GNL2: variants seen among roughly 807,000 people sequenced by gnomAD.
The protein encoded by GNL2 is G protein nucleolar 2, also known as nucleolar GTP-binding protein 2.
In GNL2, 51 loss-of-function variants were observed where a neutral mutation model predicts 92.3. That is an observed-to-expected ratio of 0.55 (90% CI 0.44 to 0.70). The LOEUF (loss-of-function observed/expected upper bound fraction) is 0.70, where lower values mean the gene tolerates loss of function less well. Ranked by LOEUF, GNL2 falls within the 30% of genes least tolerant of loss-of-function variation. The pLI, the probability that GNL2 is intolerant of heterozygous loss-of-function variation, is 0.00. For synonymous variants in GNL2, 283 were observed against 300.6 expected (o/e 0.94, Z 0.61); for missense variants, 844 against 895.6 (o/e 0.94, Z 0.74).
chr1:37,578,438 CA>C (rs776937906), intron 8 of GNL2, among the ~76,000 whole-genome samples: 1,570 of 100,816 alleles, frequency 0.016, 13 homozygotes, highest in African/African-American at 0.04. Flanking sequence ...GACTCTGTCT[CA>C]AAAAAAAAAA....
At chr1:37,568,617 C>T (rs1055200211) in intron 13 of GNL2, among the ~76,000 whole-genome samples, 1 of 152,174 alleles carries the variant, frequency 6.6e-6, no homozygotes, top group Non-Finnish European at 1.5e-5. Flanking sequence ...TGGTGGTGCA[C>T]ACCTGTAGTC....
At chr1:37,578,076 G>C (rs1361962841) in intron 8 of GNL2, among the ~76,000 whole-genome samples, 1 of 152,024 alleles carries the variant, frequency 6.6e-6, no homozygotes. Context: ...TTCTCTTCTG[G>C]GGAAACTCAC....
intron 6 of GNL2, among the ~76,000 whole-genome samples, chr1:37,583,524 G>A (rs552586331): frequency 5.9e-5 from 9 of 152,278 alleles, no homozygotes; most frequent in East Asian, 5.8e-4. Flanking sequence ...AGTCCTCATC[G>A]ATAAAAGGAG....
At chr1:37,577,243 C>A (rs1159773771) in intron 8 of GNL2, among the ~76,000 whole-genome samples, 1 of 152,022 alleles carries the variant, frequency 6.6e-6, no homozygotes, top group Admixed American at 6.6e-5. Flanking sequence ...CACAACTCAC[C>A]CCCCCTTTTC....
Position 37,574,440 on chromosome 1 carries a change from A to C in GNL2, c.1319T>G (p.Leu440Trp), listed in dbSNP as rs2148131193. 6.2e-7 allele frequency: 1 copy of C among 1,613,906 alleles called. No individual in the cohort carries two copies. The highest frequency in any genetic ancestry group is 1.7e-4 in the Middle Eastern group (1 of 6,060). The change falls in exon 12 of 16, where the codon TTG becomes TGG. Residue 440 changes from leucine (L) to tryptophan (W), a missense_variant. Physicochemically the swap from Leu to Trp is moderately conservative, Grantham distance 61. Coordinates refer to ENST00000373062, the MANE Select transcript of GNL2 (RefSeq NM_013285.3). ...GKLLKGGEPD[L>W]QTVGKMVLND... is the part of the protein sequence containing the mutation. ...GAGGACCATCTTACCCACAGTCTGC[A>C]AGTCGGGCTCTCCACCCTGAAAGGT...
At chr1:37,585,787 AAC>A (rs1258113403) in intron 5 of GNL2, among the ~76,000 whole-genome samples, 1 of 152,208 alleles carries the variant, frequency 6.6e-6, no homozygotes, top group Non-Finnish European at 1.5e-5. Context: ...ATGAGGTAAT[AAC>A]ACTGATGCAG....
rs780289073 is a variant in GNL2 at position 37,582,928 on chromosome 1, A to G, written c.645T>C (p.Asp215=). 3.7e-6 allele frequency: 6 copies of G among 1,609,940 alleles called. No homozygotes were observed. Among genetic ancestry groups the G allele is most frequent in the Non-Finnish European group, 5.1e-6 (6 of 1,178,008 alleles). Residue 215 remains aspartate (D), a synonymous_variant, in exon 7 of 16, where the codon GAT becomes GAC. Coordinates refer to ENST00000373062, the MANE Select transcript of GNL2 (RefSeq NM_013285.3). ...RIWGELYKVI[D]SSDVVVQVLD... ...GAACTTGAACTACAACATCTGATGA[A>G]TCTATCACCTGAAAATTCAGAAAGG...
At chr1:37,584,443 T>A (rs1643819966) in intron 5 of GNL2, among the ~76,000 whole-genome samples, 1 of 135,632 alleles carries the variant, frequency 7.4e-6, no homozygotes. Flanking sequence ...CAAGACCCTG[T>A]CTCAAAAAAT....
chr1:37,583,746 G>A, intron 6 of GNL2, 121 bp downstream of exon 6: 1 of 650,826 alleles, frequency 1.5e-6, no homozygotes, highest in Non-Finnish European at 2.8e-6. Context: ...GAAGAGGATG[G>A]AACAGGCAGT....
Position 37,566,872 on chromosome 1 carries a change from A to AT in GNL2, c.2178dup (p.Phe727IlefsTer?). ...TTTAAACATTACTGCTTTTGTCTGAATTTTTTGCGTTTGTGTTTCTGTCCC... is the reference window on the plus strand; with the variant it reads ...TTTAAACATTACTGCTTTTGTCTGAATTTTTTTGCGTTTGTGTTTCTGTCCC... On this transcript the variant is annotated frameshift_variant, in exon 16 of 16. Coordinates refer to ENST00000373062, the MANE Select transcript of GNL2 (RefSeq NM_013285.3). LOFTEE classifies it high-confidence loss of function. 1 of 1,613,076 alleles carries AT rather than the reference A, an allele frequency of 6.2e-7. No individual in the cohort carries two copies. Among genetic ancestry groups the AT allele is most frequent in the Non-Finnish European group, 8.5e-7 (1 of 1,179,724 alleles).
intron 12 of GNL2, 36 bp downstream of exon 12, chr1:37,574,307 C>T (rs1310244978): frequency 7.5e-7 from 1 of 1,332,886 alleles, no homozygotes; most frequent in Non-Finnish European, 1.1e-6. Context: ...AGGTCAGGAC[C>T]CATGCTCCCC....
chr1:37,585,230 T>C (rs2148139637), intron 5 of GNL2, among the ~76,000 whole-genome samples: 1 of 151,912 alleles, frequency 6.6e-6, no homozygotes, highest in Non-Finnish European at 1.5e-5. Flanking sequence ...AGCTAATTTG[T>C]GTATTTTTAG....
intron 14 of GNL2, 113 bp from the exon 15 acceptor site, chr1:37,567,877 A>C: frequency 1.3e-6 from 1 of 780,118 alleles, no homozygotes; most frequent in South Asian, 1.5e-5. Flanking sequence ...TGGACAGAGC[A>C]GGTGAGCACA....
At chr1:37,574,516 T>C in intron 11 of GNL2, 60 bp from the exon 12 acceptor site, 6 of 1,470,460 alleles carry the variant, frequency 4.1e-6, no homozygotes, top group East Asian at 4.6e-5. Flanking sequence ...CCTACCACTT[T>C]GGGGGTATTT....
Position 37,567,689 on chromosome 1 carries a change from GC to G in GNL2, c.2026del (p.Ala676ArgfsTer29). 6.2e-7 allele frequency: 1 copy of G among 1,611,162 alleles called. No homozygotes were observed. The highest frequency in any genetic ancestry group is 8.5e-7 in the Non-Finnish European group (1 of 1,177,334). On this transcript the variant is annotated frameshift_variant, in exon 15 of 16. Coordinates refer to ENST00000373062, the MANE Select transcript of GNL2 (RefSeq NM_013285.3). LOFTEE classifies it high-confidence loss of function. ...EQEHSNKAPR[A>X]LTSKERRRAV... is the part of the protein sequence containing the mutation. ...GACACTTACTTCTTTTGATGTAAGC[GC>G]CCTGGGAGCTTTATTTGAATGTTCC...
rs959811878 is a variant in GNL2 at position 37,569,360 on chromosome 1, T to C, written c.1417-58A>G. 15 of 1,182,932 alleles carry C rather than the reference T, an allele frequency of 1.3e-5. No individual in the cohort carries two copies. The Admixed American group carries it at 2.1e-4, about 16-fold the overall frequency. 73.3% of individuals were successfully genotyped at this position (1,182,932 alleles called of 1,614,324 possible). A position where few individuals can be genotyped will look rare whatever the true frequency, so the allele number is the denominator to read the frequency against. On this transcript the variant is annotated intron_variant, in intron 12 of 15. Transcript: ENST00000373062. ...GAATCAGAAAATGAAAAATGGAATT[T>C]CTGAACTCATATCTTGCTCTTAAAC...
In GNL2 at chr1:37,575,876, A is replaced by G. The variant is rs530795665; in HGVS notation, c.1039-177T>C. Among the ~76,000 whole-genome samples, 3 of 152,328 alleles carry G rather than the reference A, an allele frequency of 2.0e-5. No individual in the cohort carries two copies. Among genetic ancestry groups the G allele is most frequent in the African/African-American group, 7.2e-5 (3 of 41,582 alleles). On this transcript the variant is annotated intron_variant, in intron 9 of 15. Transcript: ENST00000373062. The surrounding 1 kb of genome is among the most constrained non-coding windows in gnomAD (Gnocchi z 4.1). ...TCTGTGCCGTGCACAAGATACTTCC[A>G]CTAAGTGTAAACTATAGTTTCCATC...
intron 5 of GNL2, among the ~76,000 whole-genome samples, chr1:37,584,406 G>A (rs1046424256): frequency 2.0e-5 from 3 of 150,378 alleles, no homozygotes; most frequent in East Asian, 2.0e-4. Flanking sequence ...CCATGAGCAG[G>A]CTACTGCTCC....
rs1242873414 is a variant in GNL2, at chr1:37,576,422, A to G, written c.1038+6T>C. 1.2e-6 allele frequency: 2 copies of G among 1,613,264 alleles called. No individual in the cohort carries two copies. Among genetic ancestry groups the G allele is most frequent in the African/African-American group, 1.3e-5 (1 of 74,902 alleles). On this transcript the variant is annotated splice_donor_region_variant and intron_variant, in intron 9 of 15. Coordinates refer to ENST00000373062, the MANE Select transcript of GNL2 (RefSeq NM_013285.3). Reference sequence around the variant, plus strand: ...CAAAAGTAAGGTCACCCTGCGCCCAACGTACCTTTGTTTCACCTGCAATGG... The same window carrying G: ...CAAAAGTAAGGTCACCCTGCGCCCAGCGTACCTTTGTTTCACCTGCAATGG...
Sources: allele counts gnomAD v4.1 joint callset (sites outside exome capture counted in the v4.1 genomes callset), GRCh38; gene constraint gnomAD v4.1.1; non-coding constraint Gnocchi (gnomAD v3.1); transcripts MANE v1.5; gene names NCBI Gene and HGNC (gene_info 2026-07-23, HGNC 2026-07-21).